The following GRID2 variants were observed in gnomAD, a reference collection of about 807,000 sequenced individuals.
The protein encoded by GRID2 is glutamate ionotropic receptor delta type subunit 2, also known as glutamate receptor ionotropic, delta-2.
A neutral mutation model predicts 114.8 loss-of-function variants in GRID2; 33 were observed. That is an observed-to-expected ratio of 0.29 (90% CI 0.22 to 0.38). The LOEUF is 0.38. Among genes scored for constraint, GRID2 ranks in the 10% least tolerant of loss-of-function variants. The pLI is 1.00. For synonymous variants in GRID2, 505 were observed against 449.9 expected (o/e 1.12, Z -1.55); for missense variants, 1,184 against 1,257.7 (o/e 0.94, Z 0.89).
chr4:93,517,983 ATGTATATACATACATGTATATGTAT>A, intron 13 of GRID2, among the ~76,000 whole-genome samples: 2 of 17,196 alleles, frequency 1.2e-4, no homozygotes, highest in African/African-American at 6.2e-4. Flanking sequence ...ATGTACATGT[ATGTATATACATACATGTATATGTAT>A]GTATATACAT....
At chr4:93,592,232 A>G (rs375112469) in intron 13 of GRID2, among the ~76,000 whole-genome samples, 3 of 151,632 alleles carry the variant, frequency 2.0e-5, no homozygotes, top group Non-Finnish European at 2.9e-5. Flanking sequence ...CTTTGAATGC[A>G]TCCCAGAGAT....
At chr4:93,583,169 C>G (rs1458135694) in intron 13 of GRID2, among the ~76,000 whole-genome samples, 1 of 152,184 alleles carries the variant, frequency 6.6e-6, no homozygotes, top group Non-Finnish European at 1.5e-5. Context: ...TCATCCTAAT[C>G]TTCATCCAGA....
At chr4:93,129,649 A>C (rs1303260622) in intron 4 of GRID2, among the ~76,000 whole-genome samples, 1 of 152,124 alleles carries the variant, frequency 6.6e-6, no homozygotes, top group Non-Finnish European at 1.5e-5. Context: ...ACCTTACTTC[A>C]CCATCATTGC....
At chr4:92,525,273 A>G (rs1213754827) in intron 1 of GRID2, among the ~76,000 whole-genome samples, 1 of 138,588 alleles carries the variant, frequency 7.2e-6, no homozygotes, top group East Asian at 2.0e-4. Flanking sequence ...GTACTCGGTG[A>G]AAAAAAAACA....
chr4:93,239,624 A>T (rs1747248203), intron 8 of GRID2, among the ~76,000 whole-genome samples: 1 of 151,594 alleles, frequency 6.6e-6, no homozygotes, highest in Non-Finnish European at 1.5e-5. Flanking sequence ...TATAGTGAAT[A>T]ATATGAAACA....
At chr4:92,881,378 A>C (rs536695740) in intron 2 of GRID2, among the ~76,000 whole-genome samples, 1 of 152,242 alleles carries the variant, frequency 6.6e-6, no homozygotes, top group African/African-American at 2.4e-5. Flanking sequence ...TTTACCTGTC[A>C]CTTTCCAATA....
chr4:92,517,809 A>G (rs899874836), intron 1 of GRID2, among the ~76,000 whole-genome samples: 4 of 151,884 alleles, frequency 2.6e-5, no homozygotes, highest in African/African-American at 9.7e-5. Flanking sequence ...GAGTGCCACT[A>G]TGTGGAGACC....
chr4:93,725,062 C>T (rs1208701354), intron 14 of GRID2, among the ~76,000 whole-genome samples: 1 of 152,004 alleles, frequency 6.6e-6, no homozygotes, highest in Non-Finnish European at 1.5e-5. Context: ...TATACATGTG[C>T]CATGTTGGTG....
intron 4 of GRID2, among the ~76,000 whole-genome samples, chr4:93,126,820 A>G (rs1734322385): frequency 6.6e-6 from 1 of 151,520 alleles, no homozygotes; most frequent in Non-Finnish European, 1.5e-5. Flanking sequence ...GATGGTCTCG[A>G]TCTCCTGACC....
At chr4:92,504,448 T>C (rs1000552573) in intron 1 of GRID2, among the ~76,000 whole-genome samples, 5 of 152,014 alleles carry the variant, frequency 3.3e-5, no homozygotes, top group Non-Finnish European at 5.9e-5. Context: ...ATCTACAGAC[T>C]CTTTGCAGGA....
chr4:93,028,966 G>T (rs1724139785), intron 2 of GRID2, among the ~76,000 whole-genome samples: 1 of 152,130 alleles, frequency 6.6e-6, no homozygotes, highest in Non-Finnish European at 1.5e-5. Flanking sequence ...GGAGAATAAT[G>T]AGTTAACACA....
intron 13 of GRID2, among the ~76,000 whole-genome samples, chr4:93,618,600 T>C (rs115271764): frequency 3.9e-4 from 59 of 152,308 alleles, no homozygotes; most frequent in African/African-American, 1.4e-3. Context: ...TTCAACTCTT[T>C]CTGGCCAGTT....
At chr4:93,074,536 A>G (rs932159205) in intron 2 of GRID2, among the ~76,000 whole-genome samples, 1 of 152,188 alleles carries the variant, frequency 6.6e-6, no homozygotes, top group Non-Finnish European at 1.5e-5. Flanking sequence ...CTAAATGTCT[A>G]TTTTAGAAAA....
intron 4 of GRID2, among the ~76,000 whole-genome samples, chr4:93,116,379 A>C (rs1733258580): frequency 1.3e-5 from 2 of 152,178 alleles, no homozygotes; most frequent in South Asian, 2.1e-4. Flanking sequence ...GAAAATCTGT[A>C]ATTTGCTTAT....
At chr4:93,281,367 A>T (rs1192400931) in intron 8 of GRID2, among the ~76,000 whole-genome samples, 1 of 151,908 alleles carries the variant, frequency 6.6e-6, no homozygotes, top group African/African-American at 2.4e-5. Context: ...GGTGTATCTG[A>T]AGAGGGCAGC....
At chr4:93,789,610 T>C (rs1255203481) in intron 1 of GRID2, among the ~76,000 whole-genome samples, 1 of 152,194 alleles carries the variant, frequency 6.6e-6, no homozygotes, top group Non-Finnish European at 1.5e-5. Context: ...TGACCCAACT[T>C]ACAGTAAAAC....
chr4:93,668,126 T>C (rs894996693), intron 14 of GRID2, among the ~76,000 whole-genome samples: 10 of 152,090 alleles, frequency 6.6e-5, no homozygotes, highest in Non-Finnish European at 1.5e-4. Flanking sequence ...AGTAATATTT[T>C]AGTTTTCTGT....
chr4:92,683,725 A>G (rs915367129), intron 2 of GRID2, among the ~76,000 whole-genome samples: 3 of 151,992 alleles, frequency 2.0e-5, no homozygotes, highest in Admixed American at 1.3e-4. Context: ...AAGGATAGAA[A>G]AATACAAATG....
intron 2 of GRID2, among the ~76,000 whole-genome samples, chr4:92,867,448 C>T (rs1303308046): frequency 6.6e-6 from 1 of 152,044 alleles, no homozygotes; most frequent in Non-Finnish European, 1.5e-5. Context: ...TCAGAGAAGA[C>T]AGTGCAGTTC....
Sources: gnomAD v4.1 joint callset for allele counts (sites outside exome capture counted in the v4.1 genomes callset) on GRCh38, gnomAD v4.1.1 for gene constraint, MANE v1.5 for transcripts, NCBI Gene and HGNC (gene_info 2026-07-23, HGNC 2026-07-21) for gene names.